The following MORC1 variants were observed in gnomAD, a reference collection of about 807,000 sequenced individuals.
MORC1 encodes the protein MORC family CW-type zinc finger protein 1.
MORC1 carries 59 observed loss-of-function variants against 134.9 expected under a neutral mutation model. That is an observed-to-expected ratio of 0.44 (90% CI 0.35 to 0.54). The LOEUF is 0.54. Ranked by LOEUF, MORC1 falls within the 20% of genes least tolerant of loss-of-function variation. The pLI is 0.00. For missense variants in MORC1, 947 were observed against 1,134.5 expected (o/e 0.83, Z 2.37); for synonymous variants, 395 against 391.7 (o/e 1.01, Z -0.10).
At chr3:108,959,470 C>G (rs955313521) in intron 27 of MORC1, among the ~76,000 whole-genome samples, 4 of 152,026 alleles carry the variant, frequency 2.6e-5, no homozygotes, top group African/African-American at 9.7e-5. Flanking sequence ...GAATCTTTAG[C>G]CTTGTAGGCA....
intron 8 of MORC1, among the ~76,000 whole-genome samples, chr3:109,080,956 G>T (rs1402451705): frequency 6.6e-6 from 1 of 151,994 alleles, no homozygotes; most frequent in East Asian, 1.9e-4. Flanking sequence ...AAGTGGAAAA[G>T]GCTGAACTAT....
chr3:109,037,607 G>C (rs1306554162), intron 14 of MORC1, among the ~76,000 whole-genome samples: 1 of 152,026 alleles, frequency 6.6e-6, no homozygotes, highest in African/African-American at 2.4e-5. Flanking sequence ...CCCACCCCCT[G>C]ACAGGCCCTG....
chr3:109,004,147 T>C (rs1445749976), intron 20 of MORC1, among the ~76,000 whole-genome samples: 1 of 152,156 alleles, frequency 6.6e-6, no homozygotes, highest in Non-Finnish European at 1.5e-5. Context: ...CCTCCCTCCA[T>C]GACTACACTC....
intron 3 of MORC1, among the ~76,000 whole-genome samples, chr3:109,108,338 T>C (rs1951082432): frequency 1.3e-5 from 2 of 152,180 alleles, no homozygotes; most frequent in Admixed American, 1.3e-4. Context: ...CCAAAGAACA[T>C]AATGCGTGGA....
At chr3:109,051,221 C>T (rs1949818379) in intron 14 of MORC1, among the ~76,000 whole-genome samples, 1 of 152,126 alleles carries the variant, frequency 6.6e-6, no homozygotes, top group Admixed American at 6.6e-5. Flanking sequence ...AAGTCATTAC[C>T]TCTCCATTTC....
intron 21 of MORC1, among the ~76,000 whole-genome samples, chr3:108,999,777 A>G (rs1948347173): frequency 6.6e-6 from 1 of 152,226 alleles, no homozygotes; most frequent in Admixed American, 6.5e-5. Flanking sequence ...GGTAAAAATG[A>G]AACTATAATG....
intron 16 of MORC1, among the ~76,000 whole-genome samples, chr3:109,032,159 C>T (rs1006460962): frequency 3.3e-5 from 5 of 152,104 alleles, no homozygotes; most frequent in African/African-American, 1.2e-4. Context: ...CAATGCTTGA[C>T]TTAGGGGTGC....
At chr3:109,005,745 CT>C (rs1464398351) in intron 18 of MORC1, among the ~76,000 whole-genome samples, 1 of 152,182 alleles carries the variant, frequency 6.6e-6, no homozygotes, top group African/African-American at 2.4e-5. Flanking sequence ...ATACATGTGC[CT>C]GCTTGTTAGA....
intron 14 of MORC1, among the ~76,000 whole-genome samples, chr3:109,043,171 CAAAATGTGG>C (rs1949595965): frequency 4.3e-5 from 1 of 23,504 alleles, no homozygotes; most frequent in East Asian, 6.3e-4. Context: ...AATGGATAAG[CAAAATGTGG>C]CAAAATGTGG....
intron 8 of MORC1, among the ~76,000 whole-genome samples, chr3:109,087,867 A>G (rs1425791450): frequency 2.0e-5 from 3 of 152,154 alleles, no homozygotes; most frequent in Admixed American, 2.0e-4. Context: ...TGGTACTGGT[A>G]CAAAAACAGA....
At chr3:108,984,367 G>T in intron 23 of MORC1, among the ~76,000 whole-genome samples, 1 of 151,732 alleles carries the variant, frequency 6.6e-6, no homozygotes, top group East Asian at 1.9e-4. Flanking sequence ...ATAAGATAAT[G>T]AACCACAGAG....
intron 2 of MORC1, among the ~76,000 whole-genome samples, chr3:109,111,856 T>C (rs956838297): frequency 5.9e-5 from 9 of 152,192 alleles, no homozygotes; most frequent in Non-Finnish European, 1.2e-4. Context: ...TAGTCCCATA[T>C]AGCTCCTTCC....
At chr3:109,115,891 G>A (rs1319395608) in intron 1 of MORC1, among the ~76,000 whole-genome samples, 2 of 152,182 alleles carry the variant, frequency 1.3e-5, no homozygotes, top group Non-Finnish European at 2.9e-5. Context: ...AGTAACTGGT[G>A]AGGAGGGGCA....
At chr3:109,050,855 A>G (rs1949807210) in intron 14 of MORC1, among the ~76,000 whole-genome samples, 1 of 152,212 alleles carries the variant, frequency 6.6e-6, no homozygotes, top group African/African-American at 2.4e-5. Context: ...ATTAAAGGTG[A>G]CTAGGCTAAA....
intron 17 of MORC1, among the ~76,000 whole-genome samples, chr3:109,022,168 G>GACAGTTTATATAAGGAGGCAT (rs1303989448): frequency 1.3e-5 from 2 of 152,152 alleles, no homozygotes; most frequent in East Asian, 3.9e-4. Flanking sequence ...TTTAGATCAT[G>GACAGTTTATATAAGGAGGCAT]ACAGTTTATA....
At chr3:109,044,587 T>C (rs551844078) in intron 14 of MORC1, among the ~76,000 whole-genome samples, 1 of 149,870 alleles carries the variant, frequency 6.7e-6, no homozygotes, top group African/African-American at 2.4e-5. Flanking sequence ...TGCAATAATT[T>C]ACTGAAAATT....
At chr3:109,027,295 TAAC>T (rs1270588432) in intron 17 of MORC1, among the ~76,000 whole-genome samples, 1 of 152,252 alleles carries the variant, frequency 6.6e-6, no homozygotes, top group African/African-American at 2.4e-5. Context: ...TGAATTTTCT[TAAC>T]AATTAAATAT....
chr3:109,093,932 T>C (rs181112544), intron 7 of MORC1, among the ~76,000 whole-genome samples: 230 of 152,332 alleles, frequency 1.5e-3, no homozygotes, highest in African/African-American at 5.2e-3. Flanking sequence ...AAGAAGGGTT[T>C]TTAAACATTG....
At chr3:108,972,276 C>T (rs945415553) in intron 24 of MORC1, among the ~76,000 whole-genome samples, 6 of 125,402 alleles carry the variant, frequency 4.8e-5, no homozygotes, top group African/African-American at 1.8e-4. Flanking sequence ...GCCACCACAT[C>T]TTAAAGTGTA....
Sources: allele counts gnomAD v4.1 joint callset (sites outside exome capture counted in the v4.1 genomes callset), GRCh38; gene constraint gnomAD v4.1.1; transcripts MANE v1.5; gene names NCBI Gene and HGNC (gene_info 2026-07-23, HGNC 2026-07-21).